Variants in ERAP2 observed in about 807,000 individuals in gnomAD.
ERAP2 encodes the protein endoplasmic reticulum aminopeptidase 2, also known as leukocyte-derived arginine aminopeptidase.
A neutral mutation model predicts 111.1 loss-of-function variants in ERAP2; 118 were observed. That is an observed-to-expected ratio of 1.06 (90% CI 0.92 to 1.24). ERAP2 has a LOEUF of 1.24. Among genes scored for constraint, ERAP2 ranks in the 50% most tolerant of loss-of-function variants. ERAP2 has a pLI of 0.00. For missense variants in ERAP2, 1,131 were observed against 1,125.8 expected, an observed-to-expected ratio of 1.00 and a Z score of -0.07; for synonymous variants, 410 against 401.2, an observed-to-expected ratio of 1.02 and a Z score of -0.26.
chr5:96,882,794 C>T (rs934239150), intron 2 of ERAP2, among the ~76,000 whole-genome samples: 1 of 152,198 alleles, frequency 6.6e-6, no homozygotes, highest in Admixed American at 6.5e-5. Flanking sequence ...GTTTCCCAGC[C>T]TGTGTCATAG....
rs376971504 is a variant in ERAP2 at position 96,909,296 on chromosome 5, G to A, written c.2169+179G>A. Among the ~76,000 whole-genome samples the A allele has an allele frequency of 8.5e-5, 13 of 152,310 alleles. No individual in the cohort carries two copies. The East Asian group carries it at 1.9e-3, about 23-fold the overall frequency. ...TTACCATTGCCAATCCTAAGAGCTA[G>A]ATACCAGGATCATGTGCAAAACATC... On this transcript the variant is annotated intron_variant, in intron 14 of 18. Transcript: ENST00000437043.
rs1784769292 is a variant in ERAP2 at position 96,895,316 on chromosome 5, T to C, written c.1196T>C (p.Met399Thr). 6.2e-7 allele frequency: 1 copy of C among 1,612,838 alleles called. No individual in the cohort carries two copies. Residue 399 changes from methionine (M) to threonine (T), a missense_variant, in exon 7 of 19, where the codon ATG becomes ACG. Coordinates refer to ENST00000437043, the MANE Select transcript of ERAP2 (RefSeq NM_022350.5). ...IWLKEGFAKYMELIAVNATYP... is the reference protein window; with the variant it reads ...IWLKEGFAKYTELIAVNATYP... ...CTTAAGGAGGGTTTTGCAAAATACA[T>C]GGAACTTATCGCTGTTAATGCTACA...
rs1787751344 is a variant in ERAP2 at position 96,919,389 on chromosome 5, A to G, written c.*1784A>G. The G allele has an allele frequency of 1.3e-5, 2 of 152,464 alleles. No homozygotes were observed. Among genetic ancestry groups the G allele is most frequent in the African/African-American group, 4.8e-5 (2 of 41,574 alleles). 9.4% of individuals were successfully genotyped at this position (152,464 alleles called of 1,614,324 possible). On this transcript the variant is annotated 3_prime_UTR_variant, in exon 19 of 19. Transcript: ENST00000437043. Reference sequence around the variant, plus strand: ...TTATAACACCTAAGAGATATCCTTTAGAATTACATGTATTTTAGCATAAGG... The same window carrying G: ...TTATAACACCTAAGAGATATCCTTTGGAATTACATGTATTTTAGCATAAGG...
chr5:96,889,341 G>A (rs1350125768), intron 5 of ERAP2, 36 bp downstream of exon 5: 1 of 1,612,482 alleles, frequency 6.2e-7, no homozygotes. Context: ...CTTCATTTTT[G>A]CTCATAAAAC....
At chr5:96,903,904 C>G (rs575939002) in intron 13 of ERAP2, among the ~76,000 whole-genome samples, 1 of 152,300 alleles carries the variant, frequency 6.6e-6, no homozygotes, top group East Asian at 1.9e-4. Flanking sequence ...TTAGGCCAGG[C>G]CTACTTTCTC....
chr5:96,899,533 G>A (rs1298979339), intron 9 of ERAP2, among the ~76,000 whole-genome samples: 1 of 152,116 alleles, frequency 6.6e-6, no homozygotes, highest in Non-Finnish European at 1.5e-5. Context: ...TTTCTCATTT[G>A]CAGTTGCCCT....
At chr5:96,915,666 T>A (rs1339582596) in intron 17 of ERAP2, 22 bp from the exon 18 acceptor site, 1 of 1,451,212 alleles carries the variant, frequency 6.9e-7, no homozygotes, top group Admixed American at 2.4e-5. Flanking sequence ...TGACTTTCTA[T>A]GGTGTTTCTT....
intron 13 of ERAP2, among the ~76,000 whole-genome samples, chr5:96,908,658 C>T (rs1394606492): frequency 8.5e-5 from 13 of 152,142 alleles, no homozygotes. Context: ...TAACCTTTTG[C>T]TATGTGGTAG....
chr5:96,893,549 A>G (rs1784587110), intron 6 of ERAP2, among the ~76,000 whole-genome samples: 1 of 152,054 alleles, frequency 6.6e-6, no homozygotes, highest in Non-Finnish European at 1.5e-5. Flanking sequence ...GAGTCTGGGG[A>G]TTTCTAATCT....
At chr5:96,910,531 G>A (rs1013379084) in intron 15 of ERAP2, among the ~76,000 whole-genome samples, 2 of 151,456 alleles carry the variant, frequency 1.3e-5, no homozygotes, top group Non-Finnish European at 2.9e-5. Context: ...GGTTGTATGA[G>A]TGAAGCTAAA....
chr5:96,911,824 G>A (rs1786768360), intron 15 of ERAP2, among the ~76,000 whole-genome samples: 5 of 135,028 alleles, frequency 3.7e-5, no homozygotes, highest in Admixed American at 8.6e-5. Context: ...CCATGATCAC[G>A]CCACTGCACT....
At chr5:96,880,755 T>C (rs1783036388) in intron 2 of ERAP2, among the ~76,000 whole-genome samples, 1 of 152,252 alleles carries the variant, frequency 6.6e-6, no homozygotes, top group Admixed American at 6.5e-5. Flanking sequence ...GTCACATTCA[T>C]TGAGCACATA....
chr5:96,896,639 C>T, intron 8 of ERAP2, 93 bp from the exon 9 acceptor site: 2 of 1,429,088 alleles, frequency 1.4e-6, no homozygotes, highest in South Asian at 1.4e-5. Flanking sequence ...TCAGACATCA[C>T]ACATGTTCCG....
intron 17 of ERAP2, among the ~76,000 whole-genome samples, chr5:96,915,354 C>G (rs1156676881): frequency 6.6e-6 from 1 of 152,060 alleles, no homozygotes; most frequent in Non-Finnish European, 1.5e-5. Context: ...AGTTCTTGCT[C>G]AAAAAATCTT....
intron 13 of ERAP2, among the ~76,000 whole-genome samples, chr5:96,907,255 C>T (rs1416639063): frequency 6.6e-6 from 1 of 152,024 alleles, no homozygotes; most frequent in African/African-American, 2.4e-5. Flanking sequence ...GTAATGAGGA[C>T]TTAGATTTTT....
intron 2 of ERAP2, chr5:96,880,852 T>C (rs1478929672): frequency 1.3e-5 from 2 of 159,484 alleles, no homozygotes; most frequent in African/African-American, 2.4e-5. Context: ...ATCAATAAAA[T>C]TGGCAAGGTA....
chr5:96,905,919 G>C (rs1581883870), intron 13 of ERAP2, among the ~76,000 whole-genome samples: 2 of 150,230 alleles, frequency 1.3e-5, no homozygotes, highest in Admixed American at 6.8e-5. Context: ...ATTTAGTTTG[G>C]AGAGATAATT....
At chr5:96,903,311 A>C in intron 12 of ERAP2, 66 bp from the exon 13 acceptor site, 1 of 1,211,050 alleles carries the variant, frequency 8.3e-7, no homozygotes. Flanking sequence ...TAAAAATAAC[A>C]GTTCTGGAGA....
rs1363919888 is a variant in ERAP2 at position 96,917,672 on chromosome 5, T to C, written c.*67T>C. The C allele has an allele frequency of 6.1e-5, 81 of 1,323,460 alleles. No homozygotes were observed. Among genetic ancestry groups the C allele is most frequent in the African/African-American group, 1.5e-5 (1 of 66,380 alleles). 82.0% of individuals were successfully genotyped at this position (1,323,460 alleles called of 1,614,324 possible). On this transcript the variant is annotated 3_prime_UTR_variant, in exon 19 of 19. Transcript: ENST00000437043. ...CTGTAATCCCAGCACTTTGGGAGGC[T>C]GAGAAGGGCGGATCACGAGGTCAGG...
Sources: allele counts gnomAD v4.1 joint callset (sites outside exome capture counted in the v4.1 genomes callset), GRCh38; gene constraint gnomAD v4.1.1; transcripts MANE v1.5; gene names NCBI Gene and HGNC (gene_info 2026-07-23, HGNC 2026-07-21).